The following RPLP0 variants were observed in gnomAD, a reference collection of about 807,000 sequenced individuals.
RPLP0 encodes large ribosomal subunit protein uL10.
For missense variants in RPLP0, 276 were observed against 402.9 expected, an observed-to-expected ratio of 0.69 and a Z score of 2.70; for synonymous variants, 137 against 153.4, an observed-to-expected ratio of 0.89 and a Z score of 0.79.
In RPLP0 at chr12:120,201,076, C is replaced by G. The variant is rs565194340; in HGVS notation, c.-49+7G>C. On this transcript the variant is annotated splice_region_variant and intron_variant, in intron 1 of 7. Transcript: ENST00000392514. ...ACCCCTGGCGCCCATCTAACTAGCACACGAACCTTCCACGAGGACGCCTGG... is the reference window on the plus strand; with the variant it reads ...ACCCCTGGCGCCCATCTAACTAGCAGACGAACCTTCCACGAGGACGCCTGG... 758 of 392,142 alleles carry G rather than the reference C, an allele frequency of 1.9e-3. No homozygotes were observed. Among genetic ancestry groups the G allele is most frequent in the Middle Eastern group, 9.2e-3 (14 of 1,516 alleles). 24.3% of individuals were successfully genotyped at this position (392,142 alleles called of 1,614,324 possible).
In RPLP0 at chr12:120,198,524, G is replaced by A. The variant is rs151136387; in HGVS notation, c.651+30C>T. 1.2e-6 allele frequency: 2 copies of A among 1,613,208 alleles called. No homozygotes were observed. The highest frequency in any genetic ancestry group is 2.2e-5 in the East Asian group (1 of 44,894). On this transcript the variant is annotated intron_variant, in intron 6 of 7. Transcript: ENST00000392514. This position sits in a 1 kb window ranked among gnomAD's most constrained non-coding sequence, Gnocchi z 4.1. ...CCTTGTCATGCTCTCAACCATCAGT[G>A]TAAGAGGGGGCAAGGCTGACAGCAT...
intron 2 of RPLP0, chr12:120,200,362 C>G: frequency 3.1e-6 from 1 of 323,402 alleles, no homozygotes; most frequent in East Asian, 8.7e-5. Flanking sequence ...ACTCGGGAGG[C>G]TGAAGCAGGA....
Position 120,198,654 on chromosome 12 carries a change from G to A in RPLP0, c.551C>T (p.Ser184Phe), listed in dbSNP as rs867408911. 1.9e-6 allele frequency: 3 copies of A among 1,614,138 alleles called. No homozygotes were observed. Among genetic ancestry groups the A allele is most frequent in the Non-Finnish European group, 2.5e-6 (3 of 1,180,016 alleles). The change falls in exon 6 of 8, where the codon TCC becomes TTC. Residue 184 changes from serine (S) to phenylalanine (F), a missense_variant. Transcript: ENST00000392514. This position sits in a 1 kb window ranked among gnomAD's most constrained non-coding sequence, Gnocchi z 4.1. ...CACCTGCTGGATGACCAGCCCAAAG[G>A]AGAAGGGGGAGATGTTGAGCATGTT... ...LLNMLNISPF[S>F]FGLVIQQVFD...
intron 2 of RPLP0, chr12:120,200,402 G>A: frequency 2.9e-6 from 1 of 340,672 alleles, no homozygotes; most frequent in African/African-American, 2.2e-5. Flanking sequence ...AGCGGAGGTT[G>A]CAGTAAGCCA....
Position 120,199,217 on chromosome 12 carries a change from A to C in RPLP0, c.231-12T>G. On this transcript the variant is annotated splice_polypyrimidine_tract_variant and intron_variant, in intron 3 of 7. Coordinates refer to ENST00000392514, the MANE Select transcript of RPLP0 (RefSeq NM_001002.4). Reference sequence around the variant, plus strand: ...TATGAGGCAGCAGTCTGCAAAGAGAAGTTTATGGGAGACAATCACCTTTCA... The same window carrying C: ...TATGAGGCAGCAGTCTGCAAAGAGACGTTTATGGGAGACAATCACCTTTCA... 1 of 1,613,616 alleles carries C rather than the reference A, an allele frequency of 6.2e-7. No homozygotes were observed. Among genetic ancestry groups the C allele is most frequent in the Non-Finnish European group, 8.5e-7 (1 of 1,179,496 alleles).
In RPLP0 at chr12:120,196,795, A is replaced by G. The variant is rs1879197328; in HGVS notation, c.932T>C (p.Met311Thr). 6.3e-7 allele frequency: 1 copy of G among 1,586,896 alleles called. No homozygotes were observed. The highest frequency in any genetic ancestry group is 1.1e-5 in the South Asian group (1 of 89,676). The stretch of plus-strand genomic sequence containing the variant: ...TGATTAGTCAAAGAGACCAAATCCC[A>G]TATCCTCGTCCGACTCCTCCGACTC... ...KEESEESDEDMGFGLFD is the reference protein window; with the variant it reads ...KEESEESDEDTGFGLFD Residue 311 changes from methionine to threonine, a missense_variant, in exon 8 of 8, where the codon ATG becomes ACG. Transcript: ENST00000392514.
chr12:120,200,899 G>T, intron 1 of RPLP0, 68 bp from the exon 2 acceptor site: 2 of 1,479,070 alleles, frequency 1.4e-6, no homozygotes, highest in Non-Finnish European at 1.8e-6. Context: ...GGCCTAAGAG[G>T]AGCAGGACAC....
Position 120,198,190 on chromosome 12 carries a change from C to T in RPLP0, c.651+364G>A, listed in dbSNP as rs1327508857. Reference sequence around the variant, plus strand: ...TGGGCGGATCACGAGGTCAGGAGATCGACACCATCCTGGCTAACGCGGTGA... The same window carrying T: ...TGGGCGGATCACGAGGTCAGGAGATTGACACCATCCTGGCTAACGCGGTGA... On this transcript the variant is annotated intron_variant, in intron 6 of 7. Transcript: ENST00000392514. The surrounding 1 kb of genome is among the most constrained non-coding windows in gnomAD (Gnocchi z 4.1). 2.6e-5 allele frequency among the ~76,000 whole-genome samples: 4 copies of T among 152,002 alleles called. No homozygotes were observed. Among genetic ancestry groups the T allele is most frequent in the South Asian group, 2.1e-4 (1 of 4,818 alleles).
In RPLP0 at chr12:120,196,811, C is replaced by T. The variant is rs1042778216; in HGVS notation, c.916G>A (p.Glu306Lys). 1 of 1,598,988 alleles carries T rather than the reference C, an allele frequency of 6.3e-7. No homozygotes were observed. The highest frequency in any genetic ancestry group is 8.6e-7 in the Non-Finnish European group (1 of 1,169,316). ...AKVEAKEESE[E>K]SDEDMGFGLF... ...CCAAATCCCATATCCTCGTCCGACT[C>T]CTCCGACTCTTCCTTGGCTTCAACC... Residue 306 changes from glutamate (E) to lysine (K), a missense_variant, in exon 8 of 8, where the codon GAG (glutamate) becomes AAG (lysine). By Grantham distance (56) the Glu-to-Lys change is moderately conservative. Transcript: ENST00000392514.
intron 2 of RPLP0, chr12:120,200,492 T>C (rs901691077): frequency 3.9e-6 from 2 of 512,530 alleles, no homozygotes; most frequent in Admixed American, 7.2e-5. Context: ...CGCGCTCTTT[T>C]AGAAGCCAGA....
intron 2 of RPLP0, chr12:120,200,338 C>G (rs2136128557): frequency 3.0e-6 from 1 of 329,390 alleles, no homozygotes; most frequent in Admixed American, 4.3e-5. Context: ...TGTCGCGCCC[C>G]TGTAATCCCA....
In RPLP0 at chr12:120,198,381, G is replaced by C. The variant is rs1879266173; in HGVS notation, c.651+173C>G. The C allele has an allele frequency of 1.5e-6, 1 of 666,506 alleles. No homozygotes were observed. Among genetic ancestry groups the C allele is most frequent in the Non-Finnish European group, 2.4e-6 (1 of 413,204 alleles). 41.3% of individuals were successfully genotyped at this position (666,506 alleles called of 1,614,324 possible). On this transcript the variant is annotated intron_variant, in intron 6 of 7. Coordinates refer to ENST00000392514, the MANE Select transcript of RPLP0 (RefSeq NM_001002.4). The surrounding 1 kb of genome is among the most constrained non-coding windows in gnomAD (Gnocchi z 4.1). Reference sequence around the variant, plus strand: ...AGCCTGGGCGACACAGCAAGACTCTGTCTCCAAAAAAAAAAAAAAAAAATC... The same window carrying C: ...AGCCTGGGCGACACAGCAAGACTCTCTCTCCAAAAAAAAAAAAAAAAAATC...
chr12:120,200,870 C>A, intron 1 of RPLP0, 39 bp from the exon 2 acceptor site: 1 of 1,539,640 alleles, frequency 6.5e-7, no homozygotes, highest in Non-Finnish European at 8.8e-7. Context: ...GTCACGCCGA[C>A]ACCCATCCCG....
chr12:120,197,193 C>T, intron 7 of RPLP0, 129 bp downstream of exon 7: 1 of 1,045,608 alleles, frequency 9.6e-7, no homozygotes, highest in Non-Finnish European at 1.4e-6. Flanking sequence ...CTCCCAACCT[C>T]TCAAATATCC....
Position 120,197,392 on chromosome 12 carries a change from A to G in RPLP0, c.722T>C (p.Ile241Thr), listed in dbSNP as rs765322532. Residue 241 changes from isoleucine (I) to threonine (T), a missense_variant, in exon 7 of 8, where the codon ATC becomes ACC. Ile to Thr is a moderately conservative substitution (Grantham distance 89). Transcript: ENST00000392514. ...YPTVASVPHS[I>T]INGYKRVLAL... Reference sequence around the variant, plus strand: ...CAGGACTCGTTTGTACCCGTTGATGATAGAATGGGGTACTGATGCAACAGT... The same window carrying G: ...CAGGACTCGTTTGTACCCGTTGATGGTAGAATGGGGTACTGATGCAACAGT... The G allele has an allele frequency of 1.9e-6, 3 of 1,613,782 alleles. No homozygotes were observed. The highest frequency in any genetic ancestry group is 1.1e-5 in the South Asian group (1 of 91,070).
chr12:120,198,418 T>G lies in RPLP0; in HGVS notation c.651+136A>C. The G allele has an allele frequency of 1.1e-6, 1 of 921,520 alleles. No individual in the cohort carries two copies. The highest frequency in any genetic ancestry group is 1.6e-6 in the Non-Finnish European group (1 of 609,684). The allele number at this position is 921,520 out of a possible 1,614,324, so 57.1% of individuals were successfully genotyped here. A position where few individuals can be genotyped will look rare whatever the true frequency, so the allele number is the denominator to read the frequency against. ...AAAAAAAAAAAATCCTTCAACAATC[T>G]TATGTTGTTACTGACATTTTACAGA... On this transcript the variant is annotated intron_variant, in intron 6 of 7. Coordinates refer to ENST00000392514, the MANE Select transcript of RPLP0 (RefSeq NM_001002.4). The surrounding 1 kb of genome is among the most constrained non-coding windows in gnomAD (Gnocchi z 4.1).
chr12:120,200,219 C>G, intron 2 of RPLP0: 1 of 405,152 alleles, frequency 2.5e-6, no homozygotes, highest in South Asian at 1.8e-5. Context: ...AATCCTAGCA[C>G]TTAGGGAGGC....
intron 2 of RPLP0, chr12:120,200,468 A>G (rs1043636005): frequency 2.2e-5 from 10 of 450,492 alleles, no homozygotes; most frequent in Non-Finnish European, 7.9e-6. Context: ...GTTTAAAAAA[A>G]AAAAAGTATA....
chr12:120,200,250 G>A (rs150388735), intron 2 of RPLP0: 14 of 378,208 alleles, frequency 3.7e-5, no homozygotes, highest in Non-Finnish European at 3.2e-5. Flanking sequence ...GGATCATGAA[G>A]TCAAGAGATC....
Sources: gnomAD v4.1 joint callset for allele counts (sites outside exome capture counted in the v4.1 genomes callset) on GRCh38, gnomAD v4.1.1 for gene constraint, Gnocchi (gnomAD v3.1) non-coding constraint, MANE v1.5 for transcripts, NCBI Gene and HGNC (gene_info 2026-07-23, HGNC 2026-07-21) for gene names.